The following FAM161A variants were observed in gnomAD, a reference collection of about 807,000 sequenced individuals.
The protein encoded by FAM161A is FAM161 centrosomal protein A.
A neutral mutation model predicts 70.9 loss-of-function variants in FAM161A; 57 were observed. That is an observed-to-expected ratio of 0.80 (90% confidence interval 0.65 to 1.00). The LOEUF is 1.00. FAM161A is among the 50% of genes least tolerant of loss of function. The pLI is 0.00. For synonymous variants in FAM161A, 299 were observed against 295.7 expected, an observed-to-expected ratio of 1.01 and a Z score of -0.12; for missense variants, 880 against 836.0, an observed-to-expected ratio of 1.05 and a Z score of -0.65.
At chr2:61,842,580 A>T (rs1673058693) in intron 1 of FAM161A, among the ~76,000 whole-genome samples, 1 of 152,234 alleles carries the variant, frequency 6.6e-6, no homozygotes, top group Non-Finnish European at 1.5e-5. Context: ...ACTGTCAGAA[A>T]ATAAATGTTA....
rs1162668402 is a variant in FAM161A, at chr2:61,835,090, G to C, written c.1851+920C>G. On this transcript the variant is annotated intron_variant, in intron 5 of 6. Coordinates refer to ENST00000404929, the MANE Select transcript of FAM161A (RefSeq NM_001201543.2). ...ACGTAACTTTGAGAGACTGTAATGT[G>C]CAGATTCACCCACAATACATGTCCA... Among the ~76,000 whole-genome samples, 9 of 152,334 alleles carry C rather than the reference G, an allele frequency of 5.9e-5. No homozygotes were observed. The East Asian group carries it at 1.7e-3, about 29-fold the overall frequency.
chr2:61,849,980 G>GGAGC, intron 1 of FAM161A, among the ~76,000 whole-genome samples: 1 of 151,394 alleles, frequency 6.6e-6, no homozygotes, highest in Non-Finnish European at 1.5e-5. Flanking sequence ...GGGGAGGGAG[G>GGAGC]GAGGGAGGGA....
At chr2:61,833,209 G>T (rs2105069190) in intron 5 of FAM161A, among the ~76,000 whole-genome samples, 1 of 152,186 alleles carries the variant, frequency 6.6e-6, no homozygotes, top group Admixed American at 6.5e-5. Context: ...CGGATCATCA[G>T]GTCAGGAGTT....
the FAM161A span, among the ~76,000 whole-genome samples, chr2:61,809,391 C>A: frequency 1.3e-5 from 2 of 152,182 alleles, no homozygotes; most frequent in African/African-American, 4.8e-5. Flanking sequence ...ACATATATTT[C>A]AATGACTCCC....
At chr2:61,804,760 AAAAGAAAGAGAAAG>A in the FAM161A span, among the ~76,000 whole-genome samples, 245 of 57,838 alleles carry the variant, frequency 4.2e-3, no homozygotes, top group African/African-American at 0.011. Flanking sequence ...GAAAGAAAGA[AAAAGAAAGAGAAAG>A]AAAGAAAGAA....
chr2:61,813,547 CAAAAAAAA>C, the FAM161A span, among the ~76,000 whole-genome samples: 3 of 55,964 alleles, frequency 5.4e-5, no homozygotes, highest in African/African-American at 1.4e-4. Flanking sequence ...GACTCCACCT[CAAAAAAAA>C]AAAAAAAAAA....
chr2:61,803,834 A>AATAG, the FAM161A span, among the ~76,000 whole-genome samples: 1 of 152,028 alleles, frequency 6.6e-6, no homozygotes, highest in African/African-American at 2.4e-5. Context: ...TAAATAAATA[A>AATAG]AAAGAGGCTG....
the FAM161A span, among the ~76,000 whole-genome samples, chr2:61,805,343 C>T: frequency 1.2e-4 from 18 of 152,270 alleles, no homozygotes; most frequent in African/African-American, 4.3e-4. Context: ...TGGCAAAACC[C>T]CGTGTCTACT....
chr2:61,846,865 G>C (rs1245313594), intron 1 of FAM161A: 1 of 449,446 alleles, frequency 2.2e-6, no homozygotes, highest in Non-Finnish European at 4.5e-6. Context: ...TCTGAATCCA[G>C]TATGCAGTTT....
chr2:61,845,558 C>G (rs1220370595), intron 1 of FAM161A, among the ~76,000 whole-genome samples: 1 of 152,162 alleles, frequency 6.6e-6, no homozygotes, highest in Non-Finnish European at 1.5e-5. Flanking sequence ...TGTGGTAGCT[C>G]ATGCCTGTAA....
rs1173504172 is a variant in FAM161A, at chr2:61,826,051, T to C, written c.*404A>G. The C allele has an allele frequency of 6.6e-6, 3 of 457,002 alleles. No homozygotes were observed. The highest frequency in any genetic ancestry group is 1.4e-4 in the East Asian group (2 of 14,646). The allele number at this position is 457,002 out of a possible 1,614,324, so 28.3% of individuals were successfully genotyped here. A position where few individuals can be genotyped will look rare whatever the true frequency, so the allele number is the denominator to read the frequency against. Reference sequence around the variant, plus strand: ...CAAATAGTATAATTAAAAATAGTTATTGATTCACACTTTCCAAAATTTTTA... The same window carrying C: ...CAAATAGTATAATTAAAAATAGTTACTGATTCACACTTTCCAAAATTTTTA... On this transcript the variant is annotated 3_prime_UTR_variant, in exon 7 of 7. Transcript: ENST00000404929.
chr2:61,831,606 T>C (rs932996504), intron 5 of FAM161A, among the ~76,000 whole-genome samples: 3 of 152,212 alleles, frequency 2.0e-5, no homozygotes, highest in Non-Finnish European at 4.4e-5. Flanking sequence ...AAGAATCACA[T>C]GAAGACAGTC....
At chr2:61,846,499 T>C (rs1379508851) in intron 1 of FAM161A, among the ~76,000 whole-genome samples, 1 of 152,208 alleles carries the variant, frequency 6.6e-6, no homozygotes, top group Non-Finnish European at 1.5e-5. Context: ...AGGATACTCA[T>C]ACAAGCCTGG....
the FAM161A span, among the ~76,000 whole-genome samples, chr2:61,804,720 G>C: frequency 7.0e-6 from 1 of 141,998 alleles, no homozygotes; most frequent in Non-Finnish European, 1.5e-5. Context: ...GAAAGAGAAA[G>C]AAAGAAAGAA....
At position 61,825,052 on chromosome 2, in the gene FAM161A, C is replaced by A. The variant is rs754374384; in HGVS notation, c.*1403G>T. The A allele has an allele frequency of 2.2e-6, 1 of 453,600 alleles. No homozygotes were observed. The highest frequency in any genetic ancestry group is 6.9e-5 in the East Asian group (1 of 14,530). The allele number at this position is 453,600 out of a possible 1,614,324, so 28.1% of individuals were successfully genotyped here. A position where few individuals can be genotyped will look rare whatever the true frequency, so the allele number is the denominator to read the frequency against. The stretch of plus-strand genomic sequence containing the variant: ...ATTTGCCCCTGATGGAGAAAAATGA[C>A]CTTATTTTTAAATTTAAAGCATAAA... On this transcript the variant is annotated 3_prime_UTR_variant, in exon 7 of 7. Transcript: ENST00000404929.
chr2:61,808,710 G>A, the FAM161A span, among the ~76,000 whole-genome samples: 11 of 152,236 alleles, frequency 7.2e-5, no homozygotes, highest in African/African-American at 2.6e-4. Flanking sequence ...AGGAAGGCTT[G>A]GAGGAGAAAA....
At chr2:61,833,486 T>C (rs1672658993) in intron 5 of FAM161A, among the ~76,000 whole-genome samples, 2 of 151,604 alleles carry the variant, frequency 1.3e-5, no homozygotes, top group African/African-American at 4.9e-5. Flanking sequence ...GCTAACATTG[T>C]TTACTAAGTT....
rs1456848416 is a variant in FAM161A at position 61,825,755 on chromosome 2, T to A, written c.*700A>T. 7.3e-6 allele frequency: 3 copies of A among 411,978 alleles called. No individual in the cohort carries two copies. The highest frequency in any genetic ancestry group is 3.6e-5 in the South Asian group (2 of 55,936). 25.5% of individuals were successfully genotyped at this position (411,978 alleles called of 1,614,324 possible). ...TGGGTTCATGCCATTCTCCTGCCTC[T>A]GCCTCCCAAGTAGCTGGGACTACAG... On this transcript the variant is annotated 3_prime_UTR_variant, in exon 7 of 7. Transcript: ENST00000404929.
At chr2:61,846,902 C>T in intron 1 of FAM161A, 3 of 454,294 alleles carry the variant, frequency 6.6e-6, no homozygotes, top group South Asian at 3.1e-5. Context: ...CAGAATTGGC[C>T]AGGCACAGTG....
Sources: gnomAD v4.1 joint callset for allele counts (sites outside exome capture counted in the v4.1 genomes callset) on GRCh38, gnomAD v4.1.1 for gene constraint, MANE v1.5 for transcripts, NCBI Gene and HGNC (gene_info 2026-07-23, HGNC 2026-07-21) for gene names.